Variants in RBFOX1 observed in about 807,000 individuals in gnomAD.
RBFOX1 encodes RNA binding protein fox-1 homolog 1.
RBFOX1 carries 8 observed loss-of-function variants against 57.7 expected under a neutral mutation model. That is an observed-to-expected ratio of 0.14 (90% CI 0.08 to 0.25). The LOEUF is 0.25. Ranked by LOEUF, RBFOX1 falls within the 10% of genes least tolerant of loss-of-function variation. The pLI is 1.00. For synonymous variants in RBFOX1, 326 were observed against 222.4 expected, an observed-to-expected ratio of 1.47 and a Z score of -4.15; for missense variants, 611 against 548.5, an observed-to-expected ratio of 1.11 and a Z score of -1.14.
At chr16:7,236,658 T>A (rs1191225279) in intron 4 of RBFOX1, among the ~76,000 whole-genome samples, 1 of 152,210 alleles carries the variant, frequency 6.6e-6, no homozygotes, top group Non-Finnish European at 1.5e-5. Flanking sequence ...CTTTTAGTAG[T>A]TGTTTGCAGA....
chr16:6,746,534 G>A (rs961133686), intron 3 of RBFOX1, among the ~76,000 whole-genome samples: 4 of 151,902 alleles, frequency 2.6e-5, no homozygotes, highest in East Asian at 1.9e-4. Flanking sequence ...AAAAATTGCC[G>A]GGCATGATGG....
chr16:6,076,075 A>G (rs1442672418), intron 1 of RBFOX1, among the ~76,000 whole-genome samples: 1 of 152,098 alleles, frequency 6.6e-6, no homozygotes, highest in Admixed American at 6.5e-5. Context: ...GAGGAGGGCT[A>G]ATCACCTGAG....
intron 4 of RBFOX1, among the ~76,000 whole-genome samples, chr16:7,115,369 G>A (rs1038105): frequency 0.08 from 12,236 of 152,226 alleles, 689 homozygotes; most frequent in East Asian, 0.24. Flanking sequence ...TACCTACATA[G>A]AGCTTATATT....
chr16:6,618,960 A>C (rs1334436507), intron 2 of RBFOX1, among the ~76,000 whole-genome samples: 1 of 152,182 alleles, frequency 6.6e-6, no homozygotes, highest in Non-Finnish European at 1.5e-5. Flanking sequence ...AGAGAATGCA[A>C]AAGGGTTATT....
intron 1 of RBFOX1, among the ~76,000 whole-genome samples, chr16:5,305,740 A>G (rs927210634): frequency 6.6e-6 from 1 of 152,186 alleles, no homozygotes; most frequent in Non-Finnish European, 1.5e-5. Flanking sequence ...AAGGTTTTAA[A>G]CAGCGAATTA....
At chr16:7,112,862 A>G (rs1019015546) in intron 4 of RBFOX1, among the ~76,000 whole-genome samples, 5 of 152,130 alleles carry the variant, frequency 3.3e-5, no homozygotes, top group African/African-American at 4.8e-5. Flanking sequence ...AATGACAGCA[A>G]TAATGGGGAT....
chr16:7,266,100 A>G (rs1429095755), intron 4 of RBFOX1, among the ~76,000 whole-genome samples: 4 of 148,696 alleles, frequency 2.7e-5, no homozygotes, highest in South Asian at 2.2e-4. Flanking sequence ...TCAGCCTCCC[A>G]AGTAGCTGGG....
chr16:7,448,648 G>T (rs2098826897), intron 4 of RBFOX1, among the ~76,000 whole-genome samples: 2 of 152,144 alleles, frequency 1.3e-5, no homozygotes, highest in South Asian at 4.2e-4. Context: ...CATAACTGTA[G>T]CAAAGGATTT....
chr16:7,694,219 C>T (rs999345219), intron 14 of RBFOX1, among the ~76,000 whole-genome samples: 2 of 152,140 alleles, frequency 1.3e-5, no homozygotes, highest in Admixed American at 6.5e-5. Context: ...CGAGGGAGGA[C>T]GTTACAACTT....
chr16:7,228,268 G>C (rs2093277231), intron 4 of RBFOX1, among the ~76,000 whole-genome samples: 1 of 152,146 alleles, frequency 6.6e-6, no homozygotes, highest in East Asian at 1.9e-4. Flanking sequence ...ACTGATCAGA[G>C]CTGAGGACTA....
At chr16:7,187,267 G>T (rs150473079) in intron 4 of RBFOX1, among the ~76,000 whole-genome samples, 181 of 151,922 alleles carry the variant, frequency 1.2e-3, no homozygotes, top group Non-Finnish European at 1.9e-3. Flanking sequence ...CATAACACAG[G>T]ATATAAATAA....
intron 4 of RBFOX1, among the ~76,000 whole-genome samples, chr16:7,273,252 T>TCTTC (rs2095372569): frequency 3.1e-5 from 3 of 96,494 alleles, no homozygotes; most frequent in Non-Finnish European, 3.9e-5. Context: ...CTTCCTTCCT[T>TCTTC]CCTTCCTTCC....
chr16:5,997,350 A>G (rs1191257785), intron 4 of RBFOX1, among the ~76,000 whole-genome samples: 1 of 152,232 alleles, frequency 6.6e-6, no homozygotes, highest in Admixed American at 6.5e-5. Context: ...GTCTAGGGCA[A>G]GGTACTTTGG....
intron 4 of RBFOX1, among the ~76,000 whole-genome samples, chr16:7,298,983 C>T (rs554671008): frequency 2.0e-5 from 3 of 152,278 alleles, no homozygotes; most frequent in South Asian, 4.1e-4. Context: ...CTTTTACAAG[C>T]AATGGTGGAG....
chr16:6,745,211 C>T, intron 3 of RBFOX1, among the ~76,000 whole-genome samples: 1 of 151,944 alleles, frequency 6.6e-6, no homozygotes, highest in East Asian at 1.9e-4. Context: ...TAAGAAAATT[C>T]CAAGCCCAGA....
chr16:7,631,415 C>G (rs963291865), intron 11 of RBFOX1, among the ~76,000 whole-genome samples: 6 of 152,204 alleles, frequency 3.9e-5, no homozygotes, highest in African/African-American at 4.8e-5. Flanking sequence ...CAAGGATGCC[C>G]TATCCTCACC....
intron 1 of RBFOX1, among the ~76,000 whole-genome samples, chr16:6,161,244 C>G (rs911723457): frequency 1.3e-5 from 2 of 152,062 alleles, no homozygotes; most frequent in African/African-American, 4.8e-5. Context: ...CCAAAATTAG[C>G]TTGGCATGGT....
intron 4 of RBFOX1, among the ~76,000 whole-genome samples, chr16:7,218,339 T>G (rs1286693084): frequency 6.6e-6 from 1 of 152,224 alleles, no homozygotes; most frequent in South Asian, 2.1e-4. Flanking sequence ...GTATATTGTT[T>G]TCTGGTTTTC....
intron 3 of RBFOX1, among the ~76,000 whole-genome samples, chr16:6,709,790 G>A (rs1363013197): frequency 6.6e-6 from 1 of 152,128 alleles, no homozygotes; most frequent in East Asian, 1.9e-4. Flanking sequence ...AGATACTGCG[G>A]CAAGTATCTT....
Sources: gnomAD v4.1 joint callset for allele counts (sites outside exome capture counted in the v4.1 genomes callset) on GRCh38, gnomAD v4.1.1 for gene constraint, MANE v1.5 for transcripts, NCBI Gene and HGNC (gene_info 2026-07-23, HGNC 2026-07-21) for gene names.